MVB12A: variants seen among roughly 807,000 people sequenced by gnomAD.
MVB12A encodes CIN85/CD2AP family binding protein.
In MVB12A, 30 loss-of-function variants were observed where a neutral mutation model predicts 34.3. That is an observed-to-expected ratio of 0.88 (90% CI 0.65 to 1.19). The LOEUF (loss-of-function observed/expected upper bound fraction) is 1.19, where lower values mean the gene tolerates loss of function less well. MVB12A is among the 50% of genes most tolerant of loss of function. MVB12A has a pLI of 0.00. For missense variants in MVB12A, 355 were observed against 369.2 expected (o/e 0.96, Z 0.31); for synonymous variants, 158 against 158.9 (o/e 0.99, Z 0.04).
intron 4 of MVB12A, 146 bp from the exon 5 acceptor site, chr19:17,423,352 T>A: frequency 9.7e-7 from 1 of 1,028,968 alleles, no homozygotes; most frequent in South Asian, 1.7e-5. Context: ...TGAGCGAAAC[T>A]CCGTCCCCAA....
chr19:17,412,011 AC>A (rs950543956), intron 2 of MVB12A, among the ~76,000 whole-genome samples: 5 of 152,204 alleles, frequency 3.3e-5, no homozygotes, highest in African/African-American at 1.2e-4. Context: ...TTTTATTGTC[AC>A]CGCGGGGGCT....
intron 2 of MVB12A, among the ~76,000 whole-genome samples, chr19:17,410,593 CATAT>C (rs1319736997): frequency 1.6e-5 from 2 of 126,042 alleles, no homozygotes; most frequent in South Asian, 2.3e-4. Flanking sequence ...TATATACACA[CATAT>C]ATATATACAC....
chr19:17,419,262 T>TAA (rs879920514), upstream of MVB12A: 2 of 152,132 alleles, frequency 1.3e-5, no homozygotes, highest in Non-Finnish European at 2.9e-5. Flanking sequence ...AAGGGGCAGT[T>TAA]AGAGTGAGAG....
In MVB12A at chr19:17,422,390, G is replaced by A. The variant is rs768163787; in HGVS notation, c.345G>A (p.Thr115=). 7.4e-6 allele frequency: 12 copies of A among 1,613,420 alleles called. No individual in the cohort carries two copies. The South Asian group carries it at 8.8e-5, about 12-fold the overall frequency. Reference sequence around the variant, plus strand: ...TGAAGCTGTTGCCCCTGGGAGCCACGGACACGGCTGTGTTTGATGTCCGGC... The same window carrying A: ...TGAAGCTGTTGCCCCTGGGAGCCACAGACACGGCTGTGTTTGATGTCCGGC... ...MCVKLLPLGA[T]DTAVFDVRLS... Residue 115 remains threonine (T), a synonymous_variant, in exon 4 of 9, where the codon ACG becomes ACA. Coordinates refer to ENST00000317040, the MANE Select transcript of MVB12A (RefSeq NM_138401.4).
At chr19:17,424,201 G>A in intron 7 of MVB12A, 134 bp downstream of exon 7, 1 of 845,976 alleles carries the variant, frequency 1.2e-6, no homozygotes, top group Non-Finnish European at 1.9e-6. Context: ...ACCTCCAGGT[G>A]GCAGCTGGAA....
At chr19:17,420,021 C>CCAA, upstream of MVB12A, 1 of 439,938 alleles carries the variant, frequency 2.3e-6, no homozygotes, top group Non-Finnish European at 3.5e-6. Context: ...CTCCGCCCCC[C>CCAA]CCCCCCGCAT....
At chr19:17,417,264 G>C (rs920824464), upstream of MVB12A, 1 of 187,904 alleles carries the variant, frequency 5.3e-6, no homozygotes, top group African/African-American at 2.9e-5. Flanking sequence ...GAGATGCCAG[G>C]GTTTGCGGAT....
chr19:17,409,199 C>T (rs1287486892), intron 2 of MVB12A, among the ~76,000 whole-genome samples: 6 of 145,730 alleles, frequency 4.1e-5, no homozygotes, highest in Admixed American at 2.1e-4. Context: ...GGTGTAATCT[C>T]GGCTCACTGC....
Position 17,425,061 on chromosome 19 carries a change from CACTGCATCCTGGGGCCACCCCCA to C in MVB12A, c.*69_*91del. On this transcript the variant is annotated 3_prime_UTR_variant, in exon 9 of 9. Transcript: ENST00000317040. ...CCGCCAGCCTGGGGCCACCCCCCCT[CACTGCATCCTGGGGCCACCCCCA>C]CTCACTGCATCCTGGGAACCTTCGC... 2.0e-5 allele frequency: 11 copies of C among 562,088 alleles called. No individual in the cohort carries two copies. Among genetic ancestry groups the C allele is most frequent in the South Asian group, 1.2e-4 (4 of 33,808 alleles). The allele number at this position is 562,088 out of a possible 1,614,324, so 34.8% of individuals were successfully genotyped here.
Position 17,424,971 on chromosome 19 carries a change from G to C in MVB12A, c.800G>C (p.Arg267Pro), listed in dbSNP as rs368179850. The C allele has an allele frequency of 8.7e-6, 14 of 1,609,118 alleles. No homozygotes were observed. Among genetic ancestry groups the C allele is most frequent in the African/African-American group, 1.3e-5 (1 of 74,670 alleles). The change falls in exon 9 of 9, where the codon CGC becomes CCC. Residue 267 changes from arginine (R) to proline (P), a missense_variant. By Grantham distance (103) the Arg-to-Pro change is moderately radical. Transcript: ENST00000317040. ...GFVVEKTAAA[R>P]LPPSVS ...GTGGTGGAGAAGACCGCGGCTGCCC[G>C]CCTGCCCCCCAGCGTCTCATAGTCC...
intron 2 of MVB12A, among the ~76,000 whole-genome samples, chr19:17,410,529 T>TACACAC (rs1185077317): frequency 6.7e-5 from 5 of 74,446 alleles, no homozygotes; most frequent in South Asian, 5.5e-4. Flanking sequence ...TATATATATA[T>TACACAC]ACACACACAC....
upstream of MVB12A, chr19:17,418,409 T>TTATTAC (rs2074815478): frequency 6.7e-6 from 1 of 148,864 alleles, no homozygotes; most frequent in Non-Finnish European, 1.5e-5. Context: ...ATTATTATTA[T>TTATTAC]TGAGACGAGT....
chr19:17,423,397 A>C, intron 4 of MVB12A, 101 bp from the exon 5 acceptor site: 1 of 1,276,052 alleles, frequency 7.8e-7, no homozygotes, highest in Non-Finnish European at 1.1e-6. Flanking sequence ...CAAAAGACAG[A>C]GGTCACCTGC....
intron 2 of MVB12A, among the ~76,000 whole-genome samples, chr19:17,410,496 T>TTATATATG (rs1568387298): frequency 9.5e-5 from 3 of 31,512 alleles, no homozygotes; most frequent in African/African-American, 3.0e-4. Flanking sequence ...GGTTTTAGCT[T>TTATATATG]CATATATATA....
chr19:17,424,758 C>T lies in MVB12A; in HGVS notation c.759+81C>T, dbSNP rs554096705. ...GGGCCGGCACCCGCCCCTCGTCCGC[C>T]CCAGGCTGTCCCAGTTTTCCCCATC... is the stretch of plus-strand genomic sequence containing the variant. On this transcript the variant is annotated intron_variant, in intron 8 of 8. Transcript: ENST00000317040. The T allele has an allele frequency of 2.1e-5, 32 of 1,510,550 alleles. No homozygotes were observed. The African/African-American group carries it at 3.6e-4, about 17-fold the overall frequency. 93.6% of individuals were successfully genotyped at this position (1,510,550 alleles called of 1,614,324 possible).
upstream of MVB12A, chr19:17,417,007 C>T: frequency 3.1e-6 from 1 of 318,674 alleles, no homozygotes; most frequent in Admixed American, 3.8e-5. Flanking sequence ...AAGTTTTTCT[C>T]ATCCATTGTC....
chr19:17,421,277 C>T (rs1231532165), intron 3 of MVB12A: 15 of 346,230 alleles, frequency 4.3e-5, no homozygotes, highest in African/African-American at 2.4e-4. Flanking sequence ...CTCCGACTCC[C>T]GGGTTCAAGC....
intron 4 of MVB12A, 101 bp from the exon 5 acceptor site, chr19:17,423,397 A>G: frequency 1.6e-6 from 2 of 1,276,042 alleles, no homozygotes; most frequent in Non-Finnish European, 1.1e-6. Context: ...CAAAAGACAG[A>G]GGTCACCTGC....
intron 2 of MVB12A, among the ~76,000 whole-genome samples, chr19:17,411,009 C>T (rs1206499249): frequency 1.3e-5 from 2 of 150,080 alleles, no homozygotes; most frequent in African/African-American, 2.4e-5. Context: ...CACTCTGTCA[C>T]CTAGGCTGGA....
Sources: gnomAD v4.1 joint callset for allele counts (sites outside exome capture counted in the v4.1 genomes callset) on GRCh38, gnomAD v4.1.1 for gene constraint, MANE v1.5 for transcripts, NCBI Gene and HGNC (gene_info 2026-07-23, HGNC 2026-07-21) for gene names.